DTL: variants seen among roughly 807,000 people sequenced by gnomAD.
DTL encodes the protein denticleless E3 ubiquitin protein ligase adapter.
A neutral mutation model predicts 87.0 loss-of-function variants in DTL; 46 were observed. That is an observed-to-expected ratio of 0.53 (90% confidence interval 0.42 to 0.68). The LOEUF (loss-of-function observed/expected upper bound fraction) is 0.68, where lower values mean the gene tolerates loss of function less well. Among genes scored for constraint, DTL ranks in the 30% least tolerant of loss-of-function variants. DTL has a pLI of 0.00. For synonymous variants in DTL, 308 were observed against 311.2 expected (o/e 0.99, Z 0.11); for missense variants, 737 against 869.4 (o/e 0.85, Z 1.91).
intron 13 of DTL, among the ~76,000 whole-genome samples, chr1:212,083,412 A>G (rs1340439869): frequency 1.3e-5 from 2 of 152,210 alleles, no homozygotes; most frequent in Non-Finnish European, 2.9e-5. Flanking sequence ...GGAGGGAAGT[A>G]AGGACATAAT....
chr1:212,051,317 A>G (rs1667963510), intron 5 of DTL, among the ~76,000 whole-genome samples: 1 of 152,052 alleles, frequency 6.6e-6, no homozygotes, highest in South Asian at 2.1e-4. Context: ...ATTTCCTTGA[A>G]CAACGTATTT....
Position 212,064,083 on chromosome 1 carries a change from G to A in DTL, c.527-834G>A, listed in dbSNP as rs1654417859. Reference sequence around the variant, plus strand: ...AGTTATGTATTTTTAGTACAGACAGGATTTCACCATGTTGGCCAGGCTGAT... The same window carrying A: ...AGTTATGTATTTTTAGTACAGACAGAATTTCACCATGTTGGCCAGGCTGAT... On this transcript the variant is annotated intron_variant, in intron 6 of 14. Transcript: ENST00000366991. Among the ~76,000 whole-genome samples the A allele has an allele frequency of 4.6e-5, 7 of 151,968 alleles. No homozygotes were observed. In the South Asian group the frequency reaches 1.5e-3, roughly 32 times the overall value.
At chr1:212,091,463 AAG>A (rs1232811583) in intron 13 of DTL, among the ~76,000 whole-genome samples, 2 of 152,218 alleles carry the variant, frequency 1.3e-5, no homozygotes, top group African/African-American at 4.8e-5. Flanking sequence ...ATATCAAAAA[AAG>A]TGATCGCAGT....
At position 212,100,301 on chromosome 1, in the gene DTL, G is replaced by C; in HGVS notation, c.1311G>C (p.Lys437Asn). The C allele has an allele frequency of 6.2e-7, 1 of 1,608,142 alleles. No homozygotes were observed. Among genetic ancestry groups the C allele is most frequent in the Non-Finnish European group, 8.5e-7 (1 of 1,177,274 alleles). Residue 437 changes from lysine to asparagine, a missense_variant, in exon 14 of 15, where the codon AAG becomes AAC. By Grantham distance (94) the Lys-to-Asn change is moderately conservative. Coordinates refer to ENST00000366991, the MANE Select transcript of DTL (RefSeq NM_016448.4). ...QSTPAKAPRAKCNPSNSSPSS... is the reference protein window; with the variant it reads ...QSTPAKAPRANCNPSNSSPSS... ...CTCCTGCCAAAGCCCCCAGGGCAAA[G>C]TGCAATCCATCCAATTCTTCCCCGT...
At chr1:212,082,921 C>T (rs1162984087) in intron 13 of DTL, among the ~76,000 whole-genome samples, 4 of 152,030 alleles carry the variant, frequency 2.6e-5, no homozygotes, top group Non-Finnish European at 5.9e-5. Flanking sequence ...TATGCAAGTA[C>T]AAGTATACTA....
chr1:212,059,140 G>T (rs567036350), intron 5 of DTL, among the ~76,000 whole-genome samples: 1 of 152,128 alleles, frequency 6.6e-6, no homozygotes, highest in South Asian at 2.1e-4. Context: ...TCCAAAAATT[G>T]AAAAGGATGG....
At chr1:212,090,879 G>T (rs528246529) in intron 13 of DTL, among the ~76,000 whole-genome samples, 3 of 152,184 alleles carry the variant, frequency 2.0e-5, no homozygotes, top group Non-Finnish European at 4.4e-5. Context: ...GAGATAAAGG[G>T]TTATGCCCAA....
chr1:212,100,384 CTA>C lies in DTL; in HGVS notation c.1395_1396del (p.Thr466ValfsTer4). The stretch of plus-strand genomic sequence containing the variant: ...GACCTCCCTCTTCCTTCAAATACTC[CTA>C]CGTTCTCTATTAAAACCTCTCCTGC... On this transcript the variant is annotated frameshift_variant, in exon 14 of 15. Coordinates refer to ENST00000366991, the MANE Select transcript of DTL (RefSeq NM_016448.4). LOFTEE classifies it high-confidence loss of function. The C allele has an allele frequency of 1.2e-6, 2 of 1,613,976 alleles. No individual in the cohort carries two copies. Among genetic ancestry groups the C allele is most frequent in the South Asian group, 2.2e-5 (2 of 91,080 alleles).
At chr1:212,065,637 A>G (rs1654470749) in intron 7 of DTL, among the ~76,000 whole-genome samples, 2 of 152,210 alleles carry the variant, frequency 1.3e-5, no homozygotes, top group South Asian at 4.1e-4. Context: ...GAAGAAGCAT[A>G]TTAAGTACTG....
In DTL at chr1:212,062,936, G is replaced by C. The variant is rs755873599; in HGVS notation, c.513G>C (p.Arg171Ser). 1 of 1,612,934 alleles carries C rather than the reference G, an allele frequency of 6.2e-7. No individual in the cohort carries two copies. Among genetic ancestry groups the C allele is most frequent in the Non-Finnish European group, 8.5e-7 (1 of 1,179,036 alleles). Residue 171 changes from arginine (R) to serine (S), a missense_variant, in exon 6 of 15, where the codon AGG becomes AGC. Transcript: ENST00000366991. The part of the protein sequence containing the change: ...RDGNIMVWDT[R>S]CNKKDGFYRQ... Reference sequence around the variant, plus strand: ...GCAACATTATGGTCTGGGATACCAGGTGCAACAAAAAAGGTTATCTAGATC... The same window carrying C: ...GCAACATTATGGTCTGGGATACCAGCTGCAACAAAAAAGGTTATCTAGATC...
chr1:212,059,779 C>CAAAAAAAA (rs58890148), intron 5 of DTL, among the ~76,000 whole-genome samples: 8 of 80,214 alleles, frequency 1.0e-4, no homozygotes, highest in Non-Finnish European at 2.0e-4. Context: ...AAAGACTCTA[C>CAAAAAAAA]AAAAAAAAAA....
At chr1:212,048,811 TAAA>T (rs528410747) in intron 5 of DTL, among the ~76,000 whole-genome samples, 1 of 142,264 alleles carries the variant, frequency 7.0e-6, no homozygotes, top group African/African-American at 2.6e-5. Context: ...CCTTTATCAC[TAAA>T]AAAAAAAAAA....
chr1:212,062,159 A>C (rs890148753), intron 5 of DTL, among the ~76,000 whole-genome samples: 1 of 152,212 alleles, frequency 6.6e-6, no homozygotes, highest in East Asian at 1.9e-4. Context: ...GCATGTTTTC[A>C]TTCAGTTTCC....
intron 5 of DTL, among the ~76,000 whole-genome samples, chr1:212,057,904 G>A (rs1668227778): frequency 6.6e-6 from 1 of 152,084 alleles, no homozygotes; most frequent in Admixed American, 6.6e-5. Context: ...CATGCAAATG[G>A]AAACCAAAAG....
At chr1:212,078,651 A>T (rs915992927) in intron 12 of DTL, among the ~76,000 whole-genome samples, 1 of 152,152 alleles carries the variant, frequency 6.6e-6, no homozygotes, top group African/African-American at 2.4e-5. Context: ...TGACAGCCCA[A>T]TTTGGGTTTT....
chr1:212,072,760 CTTT>C (rs368207666), intron 11 of DTL, among the ~76,000 whole-genome samples: 2 of 124,762 alleles, frequency 1.6e-5, no homozygotes, highest in African/African-American at 2.9e-5. Flanking sequence ...ATTTACTAAT[CTTT>C]TTTTTTTTTT....
chr1:212,071,468 C>T, intron 10 of DTL, among the ~76,000 whole-genome samples: 1 of 152,148 alleles, frequency 6.6e-6, no homozygotes, highest in Admixed American at 6.5e-5. Flanking sequence ...TACATATAAA[C>T]AGTTTACTCC....
intron 3 of DTL, among the ~76,000 whole-genome samples, chr1:212,046,469 G>T (rs1667809853): frequency 6.6e-6 from 1 of 152,110 alleles, no homozygotes; most frequent in Admixed American, 6.5e-5. Flanking sequence ...AGGCCCCAGT[G>T]TGTGTTGTTC....
chr1:212,097,902 TC>T (rs59194078), intron 13 of DTL, among the ~76,000 whole-genome samples: 58,616 of 151,946 alleles, frequency 0.39, 11,745 homozygotes, highest in East Asian at 0.59. Flanking sequence ...AATTCTTTTG[TC>T]CCACAGAGTG....
Sources: gnomAD v4.1 joint callset for allele counts (sites outside exome capture counted in the v4.1 genomes callset) on GRCh38, gnomAD v4.1.1 for gene constraint, MANE v1.5 for transcripts, NCBI Gene and HGNC (gene_info 2026-07-23, HGNC 2026-07-21) for gene names.